The following PTGES variants were observed in gnomAD, a reference collection of about 807,000 sequenced individuals.
The protein encoded by PTGES is prostaglandin E synthase.
In PTGES, 3 loss-of-function variants were observed where a neutral mutation model predicts 11.8. That is an observed-to-expected ratio of 0.25 (90% CI 0.12 to 0.66). The LOEUF (loss-of-function observed/expected upper bound fraction) is 0.66. PTGES is among the 30% of genes least tolerant of loss of function. The pLI is 0.82. For synonymous variants in PTGES, 94 were observed against 90.4 expected (o/e 1.04, Z -0.22); for missense variants, 180 against 213.0 (o/e 0.85, Z 0.96).
intron 2 of PTGES, among the ~76,000 whole-genome samples, chr9:129,741,950 C>T (rs1832998573): frequency 6.6e-6 from 1 of 151,974 alleles, no homozygotes; most frequent in Admixed American, 6.6e-5. Context: ...AAACCAAAGA[C>T]TGGGGCCACC....
chr9:129,744,439 G>A (rs1170291354), intron 2 of PTGES, among the ~76,000 whole-genome samples: 2 of 152,076 alleles, frequency 1.3e-5, no homozygotes, highest in South Asian at 2.1e-4. Flanking sequence ...GCCAGGCATG[G>A]TGGCACGTGT....
intron 1 of PTGES, among the ~76,000 whole-genome samples, chr9:129,750,146 C>G (rs1833089230): frequency 6.6e-6 from 1 of 152,220 alleles, no homozygotes; most frequent in Non-Finnish European, 1.5e-5. Context: ...TCATCAGAGG[C>G]CCATGACTCT....
At chr9:129,741,431 G>C (rs10760633) in intron 2 of PTGES, among the ~76,000 whole-genome samples, 10,955 of 152,192 alleles carry the variant, frequency 0.072, 478 homozygotes, top group East Asian at 0.19. Context: ...ATCTGGGTCC[G>C]CATATCCCGA....
Position 129,745,767 on chromosome 9 carries a change from C to A in PTGES, c.209+2888G>T, listed in dbSNP as rs531048237. Among the ~76,000 whole-genome samples, 1 of 152,138 alleles carries A rather than the reference C, an allele frequency of 6.6e-6. No individual in the cohort carries two copies. Among genetic ancestry groups the A allele is most frequent in the African/African-American group, 2.4e-5 (1 of 41,424 alleles). On this transcript the variant is annotated intron_variant, in intron 2 of 2. Coordinates refer to ENST00000340607, the MANE Select transcript of PTGES (RefSeq NM_004878.5). This position sits in a 1 kb window ranked among gnomAD's most constrained non-coding sequence, Gnocchi z 4.2. ...ATTTTGGGCTGGGCGCAATGGCTCA[C>A]GCCTGTAATCCCAGCACTTTGGAAG...
At chr9:129,744,278 G>C (rs1363957781) in intron 2 of PTGES, among the ~76,000 whole-genome samples, 1 of 152,120 alleles carries the variant, frequency 6.6e-6, no homozygotes. Context: ...CAGATGCTCC[G>C]GCCAAATGAA....
intron 1 of PTGES, among the ~76,000 whole-genome samples, chr9:129,749,168 G>A (rs1295782752): frequency 6.6e-6 from 1 of 152,228 alleles, no homozygotes; most frequent in East Asian, 1.9e-4. Context: ...AAGGCAGGGG[G>A]ATTGCTTGAG....
At position 129,738,464 on chromosome 9, in the gene PTGES, C is replaced by G. The variant is rs1333813532; in HGVS notation, c.*1147G>C. On this transcript the variant is annotated 3_prime_UTR_variant, in exon 3 of 3. Transcript: ENST00000340607. The surrounding 1 kb of genome is among the most constrained non-coding windows in gnomAD (Gnocchi z 4.2). ...ACACACACACACACACACACGGATT[C>G]CCCATCAAGGGGACATTTGCAGTTT... The G allele has an allele frequency of 6.6e-6, 1 of 150,990 alleles. No individual in the cohort carries two copies. Among genetic ancestry groups the G allele is most frequent in the Non-Finnish European group, 1.5e-5 (1 of 68,460 alleles). The allele number at this position is 150,990 out of a possible 1,614,324, so 9.4% of individuals were successfully genotyped here.
At position 129,739,569 on chromosome 9, in the gene PTGES, C is replaced by G. The variant is rs190745048; in HGVS notation, c.*42G>C. 7 of 1,537,280 alleles carry G rather than the reference C, an allele frequency of 4.6e-6. No individual in the cohort carries two copies. The East Asian group carries it at 1.7e-4, about 38-fold the overall frequency. On this transcript the variant is annotated 3_prime_UTR_variant, in exon 3 of 3. Coordinates refer to ENST00000340607, the MANE Select transcript of PTGES (RefSeq NM_004878.5). The surrounding 1 kb of genome is among the most constrained non-coding windows in gnomAD (Gnocchi z 5.7). ...GTCCCCAGGTATAGCCACGGCGGCT[C>G]TTGGCCCATGGTCTGGTGGCCAAGG... is the stretch of plus-strand genomic sequence containing the variant.
rs753350388 is a variant in PTGES, at chr9:129,739,960, G to A, written c.210-100C>T. The A allele has an allele frequency of 1.8e-5, 25 of 1,405,518 alleles. No individual in the cohort carries two copies. The highest frequency in any genetic ancestry group is 2.2e-5 in the Non-Finnish European group (23 of 1,047,602). 87.1% of individuals were successfully genotyped at this position (1,405,518 alleles called of 1,614,324 possible). A position where few individuals can be genotyped will look rare whatever the true frequency, so the allele number is the denominator to read the frequency against. Reference sequence around the variant, plus strand: ...AGCTGGGGGTGCTTTGACCCACTGGGGGTCATTTCAGGCATATCACACACT... The same window carrying A: ...AGCTGGGGGTGCTTTGACCCACTGGAGGTCATTTCAGGCATATCACACACT... On this transcript the variant is annotated intron_variant, in intron 2 of 2. Coordinates refer to ENST00000340607, the MANE Select transcript of PTGES (RefSeq NM_004878.5). This position sits in a 1 kb window ranked among gnomAD's most constrained non-coding sequence, Gnocchi z 5.7.
At chr9:129,740,761 A>G (rs560001619) in intron 2 of PTGES, among the ~76,000 whole-genome samples, 1 of 152,198 alleles carries the variant, frequency 6.6e-6, no homozygotes, top group Non-Finnish European at 1.5e-5. Flanking sequence ...GTTGAGTCCC[A>G]TAAATTAGAG....
chr9:129,742,080 G>T (rs1344032245), intron 2 of PTGES, among the ~76,000 whole-genome samples: 2 of 152,058 alleles, frequency 1.3e-5, no homozygotes, highest in Admixed American at 1.3e-4. Context: ...CATTTTGGGA[G>T]GCTGAGGCTG....
At chr9:129,747,471 CA>C (rs1833059070) in intron 2 of PTGES, among the ~76,000 whole-genome samples, 1 of 151,938 alleles carries the variant, frequency 6.6e-6, no homozygotes, top group South Asian at 2.1e-4. Flanking sequence ...TTTAATTGAC[CA>C]GGGGGATGTT....
intron 2 of PTGES, 68 bp downstream of exon 2, chr9:129,748,587 T>A: frequency 7.6e-7 from 1 of 1,322,988 alleles, no homozygotes; most frequent in Non-Finnish European, 1.0e-6. Flanking sequence ...GTCCCCTGTG[T>A]GCAGAAGAAG....
intron 1 of PTGES, 75 bp from the exon 2 acceptor site, chr9:129,748,812 AC>A: frequency 1.6e-6 from 2 of 1,273,498 alleles, no homozygotes; most frequent in Non-Finnish European, 2.2e-6. Context: ...TTTGTCCATG[AC>A]CAGAGTTCAC....
Position 129,745,759 on chromosome 9 carries a change from A to C in PTGES, c.209+2896T>G, listed in dbSNP as rs1343589650. Among the ~76,000 whole-genome samples, 4 of 152,152 alleles carry C rather than the reference A, an allele frequency of 2.6e-5. No homozygotes were observed. Among genetic ancestry groups the C allele is most frequent in the African/African-American group, 9.7e-5 (4 of 41,428 alleles). ...GAGGGGTTATTTTGGGCTGGGCGCA[A>C]TGGCTCACGCCTGTAATCCCAGCAC... On this transcript the variant is annotated intron_variant, in intron 2 of 2. Coordinates refer to ENST00000340607, the MANE Select transcript of PTGES (RefSeq NM_004878.5). This position sits in a 1 kb window ranked among gnomAD's most constrained non-coding sequence, Gnocchi z 4.2.
intron 2 of PTGES, among the ~76,000 whole-genome samples, chr9:129,743,838 T>A (rs1465447247): frequency 6.6e-6 from 1 of 152,168 alleles, no homozygotes; most frequent in Non-Finnish European, 1.5e-5. Context: ...ACAACACTCC[T>A]GGACACTGAG....
In PTGES at chr9:129,752,964, G is replaced by A; in HGVS notation, c.49C>T (p.Leu17=). 1.2e-6 allele frequency: 2 copies of A among 1,611,916 alleles called. No individual in the cohort carries two copies. Among genetic ancestry groups the A allele is most frequent in the Non-Finnish European group, 1.7e-6 (2 of 1,180,036 alleles). The change falls in exon 1 of 3, where the codon CTG becomes TTG. Residue 17 remains leucine, a synonymous_variant. Transcript: ENST00000340607. ...VMSSPALPAF[L]LCSTLLVIKM... ...ATGACCAGCAGCGTGCTGCAGAGCAGGAAGGCCGGGAGGGCCGGGCTGCTC... is the reference window on the plus strand; with the variant it reads ...ATGACCAGCAGCGTGCTGCAGAGCAAGAAGGCCGGGAGGGCCGGGCTGCTC...
chr9:129,749,900 T>G (rs1392973282), intron 1 of PTGES, among the ~76,000 whole-genome samples: 1 of 152,202 alleles, frequency 6.6e-6, no homozygotes, highest in East Asian at 1.9e-4. Flanking sequence ...AATTTGGACT[T>G]TGCACTAAAA....
chr9:129,744,231 T>G (rs1833028673), intron 2 of PTGES, among the ~76,000 whole-genome samples: 1 of 152,106 alleles, frequency 6.6e-6, no homozygotes, highest in Non-Finnish European at 1.5e-5. Context: ...AAAGCTCACT[T>G]CACCCTCTTG....
Sources: gnomAD v4.1 joint callset for allele counts (sites outside exome capture counted in the v4.1 genomes callset) on GRCh38, gnomAD v4.1.1 for gene constraint, Gnocchi (gnomAD v3.1) non-coding constraint, MANE v1.5 for transcripts, NCBI Gene and HGNC (gene_info 2026-07-23, HGNC 2026-07-21) for gene names.